Variants in QRICH1 observed in about 807,000 individuals in gnomAD.
QRICH1 encodes transcriptional regulator QRICH1.
A neutral mutation model predicts 87.1 loss-of-function variants in QRICH1; 16 were observed. The observed-to-expected ratio is 0.18, with a 90% CI of 0.12 to 0.28. The LOEUF (loss-of-function observed/expected upper bound fraction) is 0.28, where lower values mean the gene tolerates loss of function less well. Among genes scored for constraint, QRICH1 ranks in the 10% least tolerant of loss-of-function variants. The pLI, the probability that QRICH1 is intolerant of heterozygous loss-of-function variation, is 1.00. For synonymous variants in QRICH1, 367 were observed against 368.4 expected, an observed-to-expected ratio of 1.00 and a Z score of 0.05; for missense variants, 647 against 951.7, an observed-to-expected ratio of 0.68 and a Z score of 4.21.
At chr3:49,060,807 G>A (rs553766517) in intron 2 of QRICH1, among the ~76,000 whole-genome samples, 1 of 152,184 alleles carries the variant, frequency 6.6e-6, no homozygotes, top group South Asian at 2.1e-4. Context: ...CTGCAAATGT[G>A]AGGTATCTAG....
Position 49,047,098 on chromosome 3 carries a change from T to A in QRICH1, c.1487A>T (p.Asp496Val), listed in dbSNP as rs1318572895. The change falls in exon 4 of 10, where the codon GAT (aspartate) becomes GTT (valine). Residue 496 changes from aspartate (D) to valine (V), a missense_variant. Asp to Val is a radical substitution (Grantham distance 152). Transcript: ENST00000395443. ...AQTKNAELEK[D>V]AQNRLAPIGR... ...AATGGGTGCCAATCTGTTCTGAGCA[T>A]CCTTCTCTAGTTCAGCATTCTTGGT... 9 of 1,614,016 alleles carry A rather than the reference T, an allele frequency of 5.6e-6. No individual in the cohort carries two copies. Among genetic ancestry groups the A allele is most frequent in the African/African-American group, 1.3e-5 (1 of 74,920 alleles).
At chr3:49,067,517 G>C (rs376902546) in intron 2 of QRICH1, among the ~76,000 whole-genome samples, 1 of 151,530 alleles carries the variant, frequency 6.6e-6, no homozygotes, top group East Asian at 1.9e-4. Context: ...GCAGTGAGCC[G>C]AGATAGCACC....
At chr3:49,056,266 G>A (rs1006892846) in intron 3 of QRICH1, among the ~76,000 whole-genome samples, 6 of 152,100 alleles carry the variant, frequency 3.9e-5, no homozygotes, top group African/African-American at 1.4e-4. Context: ...GCACCACCTC[G>A]CCCGGCCGCC....
chr3:49,066,902 G>A, intron 2 of QRICH1, among the ~76,000 whole-genome samples: 1 of 151,886 alleles, frequency 6.6e-6, no homozygotes, highest in African/African-American at 2.4e-5. Flanking sequence ...CCCAGACGTG[G>A]TGGTGTGCAC....
rs185690748 is a variant in QRICH1 at position 49,082,623 on chromosome 3, C to T, written c.-21-5585G>A. Among the ~76,000 whole-genome samples the T allele has an allele frequency of 2.1e-4, 32 of 152,074 alleles. No homozygotes were observed. The East Asian group carries it at 5.2e-3, about 25-fold the overall frequency. On this transcript the variant is annotated intron_variant, in intron 1 of 9. Transcript: ENST00000395443. The stretch of plus-strand genomic sequence containing the variant: ...AAAAAAAGAAAAAAAAAGCCGGGCA[C>T]GGTGGCTCACGCCTGTAATCCCAGC...
intron 2 of QRICH1, among the ~76,000 whole-genome samples, chr3:49,059,401 A>C (rs957524925): frequency 2.1e-4 from 32 of 150,950 alleles, no homozygotes; most frequent in Non-Finnish European, 7.4e-5. Context: ...AACTACAGGA[A>C]CACCACCACC....
upstream of QRICH1, chr3:49,094,354 A>G: frequency 3.6e-6 from 1 of 276,318 alleles, no homozygotes; most frequent in Non-Finnish European, 6.7e-6. Flanking sequence ...CGCCCGCCAG[A>G]GCCTCCTTTG....
At chr3:49,066,225 T>C (rs962567151) in intron 2 of QRICH1, among the ~76,000 whole-genome samples, 3 of 151,842 alleles carry the variant, frequency 2.0e-5, no homozygotes, top group African/African-American at 4.8e-5. Context: ...GAGGCAGAGG[T>C]TGCAGTGACA....
intron 3 of QRICH1, among the ~76,000 whole-genome samples, chr3:49,053,933 C>T (rs890542044): frequency 6.6e-6 from 1 of 152,172 alleles, no homozygotes; most frequent in Admixed American, 6.6e-5. Flanking sequence ...TCTTATTCAT[C>T]TCTATTCCCC....
chr3:49,030,710 C>A, intron 9 of QRICH1, 66 bp from the exon 10 acceptor site: 1 of 1,358,608 alleles, frequency 7.4e-7, no homozygotes, highest in Non-Finnish European at 9.9e-7. Context: ...CCCTGAACTT[C>A]CCAGACAGAT....
chr3:49,085,650 C>T (rs899650573), intron 1 of QRICH1, among the ~76,000 whole-genome samples: 5 of 151,300 alleles, frequency 3.3e-5, no homozygotes, highest in South Asian at 2.1e-4. Flanking sequence ...CCCAGCTACT[C>T]GGAAGGCTGA....
At chr3:49,055,263 T>C (rs1486678312) in intron 3 of QRICH1, among the ~76,000 whole-genome samples, 1 of 152,158 alleles carries the variant, frequency 6.6e-6, no homozygotes, top group African/African-American at 2.4e-5. Context: ...TCTAACTTGT[T>C]TGTACCAGCT....
At position 49,064,344 on chromosome 3, in the gene QRICH1, G is replaced by A. The variant is rs545430130; in HGVS notation, c.310-6454C>T. On this transcript the variant is annotated intron_variant, in intron 2 of 9. Transcript: ENST00000395443. Reference sequence around the variant, plus strand: ...CAACTTTGTCTTCCCGGGTTCAAGCGATTCTCTTAACCTCTGCCTCCCGAG... The same window carrying A: ...CAACTTTGTCTTCCCGGGTTCAAGCAATTCTCTTAACCTCTGCCTCCCGAG... 5.3e-5 allele frequency among the ~76,000 whole-genome samples: 8 copies of A among 150,064 alleles called. No homozygotes were observed. In the South Asian group the frequency reaches 1.1e-3, roughly 20 times the overall value.
At chr3:49,074,835 T>A (rs901090141) in intron 2 of QRICH1, among the ~76,000 whole-genome samples, 1 of 150,128 alleles carries the variant, frequency 6.7e-6, no homozygotes, top group Non-Finnish European at 1.5e-5. Flanking sequence ...AAAAATTAGC[T>A]GGGCGTGGTG....
At chr3:49,092,885 C>T (rs917376144) in intron 1 of QRICH1, among the ~76,000 whole-genome samples, 1 of 152,182 alleles carries the variant, frequency 6.6e-6, no homozygotes, top group Non-Finnish European at 1.5e-5. Flanking sequence ...TTGTTTAAGG[C>T]CAACTTTTTG....
chr3:49,073,435 G>A (rs1232133412), intron 2 of QRICH1, among the ~76,000 whole-genome samples: 13 of 151,480 alleles, frequency 8.6e-5, no homozygotes, highest in Admixed American at 8.5e-4. Flanking sequence ...ACCTACTCAG[G>A]AGGTTGAGGC....
intron 6 of QRICH1, among the ~76,000 whole-genome samples, chr3:49,034,079 T>TTTATTATTATTATTATTATTATTA (rs10691654): frequency 1.4e-4 from 21 of 147,184 alleles, no homozygotes; most frequent in African/African-American, 5.2e-4. Context: ...TTTGGGGGAT[T>TTTATTATTATTATTATTATTATTA]TTATTATTAT....
intron 3 of QRICH1, among the ~76,000 whole-genome samples, chr3:49,055,307 C>T (rs1429784905): frequency 6.6e-6 from 1 of 152,092 alleles, no homozygotes; most frequent in Non-Finnish European, 1.5e-5. Flanking sequence ...GAGCCTATGC[C>T]CACCGAGGCA....
Position 49,057,939 on chromosome 3 carries a change from T to C in QRICH1, c.310-49A>G. On this transcript the variant is annotated intron_variant, in intron 2 of 9. Transcript: ENST00000395443. The surrounding 1 kb of genome is among the most constrained non-coding windows in gnomAD (Gnocchi z 5.4). The stretch of plus-strand genomic sequence containing the variant: ...TGAGTGAACCAGGCAGCACTGAAAA[T>C]CCAGTACCCAAGGAAAGAAAGAAAA... 1 of 1,612,986 alleles carries C rather than the reference T, an allele frequency of 6.2e-7. No homozygotes were observed. The highest frequency in any genetic ancestry group is 8.5e-7 in the Non-Finnish European group (1 of 1,179,874).
Sources: allele counts gnomAD v4.1 joint callset (sites outside exome capture counted in the v4.1 genomes callset), GRCh38; gene constraint gnomAD v4.1.1; non-coding constraint Gnocchi (gnomAD v3.1); transcripts MANE v1.5; gene names NCBI Gene and HGNC (gene_info 2026-07-23, HGNC 2026-07-21).